Variants in STXBP5L observed in about 807,000 individuals in gnomAD.
STXBP5L encodes the protein syntaxin binding protein 5L, also known as syntaxin-binding protein 5-like.
A neutral mutation model predicts 144.5 loss-of-function variants in STXBP5L; 65 were observed. The observed-to-expected ratio is 0.45, with a 90% CI of 0.37 to 0.55. The LOEUF (loss-of-function observed/expected upper bound fraction) is 0.55, where lower values mean the gene tolerates loss of function less well. STXBP5L is among the 20% of genes least tolerant of loss of function. STXBP5L has a pLI of 0.00. For missense variants in STXBP5L, 1,298 were observed against 1,405.5 expected, an observed-to-expected ratio of 0.92 and a Z score of 1.22; for synonymous variants, 505 against 469.6, an observed-to-expected ratio of 1.08 and a Z score of -0.97.
At position 121,418,511 on chromosome 3, in the gene STXBP5L, C is replaced by T; in HGVS notation, c.3401C>T (p.Ala1134Val). The T allele has an allele frequency of 6.2e-7, 1 of 1,614,038 alleles. No homozygotes were observed. Among genetic ancestry groups the T allele is most frequent in the Non-Finnish European group, 8.5e-7 (1 of 1,179,984 alleles). The stretch of plus-strand genomic sequence containing the variant: ...CTAGGAGAGCTGGAAGAGAAAACTG[C>T]AGGCATGATGACCAGTGCAGAAGCA... ...QRLGELEEKT[A>V]GMMTSAEAFS... The change falls in exon 26 of 27, where the codon GCA (alanine) becomes GTA (valine). Residue 1134 changes from alanine to valine, a missense_variant. Physicochemically the swap from Ala to Val is moderately conservative, Grantham distance 64. Coordinates refer to ENST00000471454, the MANE Select transcript of STXBP5L (RefSeq NM_001308330.2).
rs1005398678 is a variant in STXBP5L, at chr3:121,092,327, T to C, written c.471-22598T>C. Reference sequence around the variant, plus strand: ...GTGATGAAAGTCATTGGTAGCTTGATGGGGATGGCATTGAATCTATAAATT... The same window carrying C: ...GTGATGAAAGTCATTGGTAGCTTGACGGGGATGGCATTGAATCTATAAATT... On this transcript the variant is annotated intron_variant, in intron 5 of 26. Transcript: ENST00000471454. Among the ~76,000 whole-genome samples the C allele has an allele frequency of 4.8e-4, 73 of 152,232 alleles. 1 individual carries two copies. The highest frequency in any genetic ancestry group is 1.7e-3 in the African/African-American group (72 of 41,532).
chr3:121,019,521 C>G (rs1416559870), intron 3 of STXBP5L, among the ~76,000 whole-genome samples: 4 of 152,204 alleles, frequency 2.6e-5, no homozygotes, highest in African/African-American at 9.7e-5. Context: ...GTCCACTTCA[C>G]TCCCCTGCCA....
chr3:121,136,820 A>C (rs12632599), intron 7 of STXBP5L, among the ~76,000 whole-genome samples: 15,102 of 152,220 alleles, frequency 0.099, 1,178 homozygotes, highest in Admixed American at 0.2. Context: ...AGAGACATGG[A>C]ATCAACCTAA....
intron 3 of STXBP5L, among the ~76,000 whole-genome samples, chr3:121,037,203 G>A (rs1946821609): frequency 6.6e-6 from 1 of 150,876 alleles, no homozygotes; most frequent in Non-Finnish European, 1.5e-5. Context: ...AAAGTATTGG[G>A]ATTCCAGAAG....
chr3:121,075,209 CT>C (rs1472604260), intron 5 of STXBP5L, among the ~76,000 whole-genome samples: 1 of 152,174 alleles, frequency 6.6e-6, no homozygotes, highest in Non-Finnish European at 1.5e-5. Flanking sequence ...TGCCTCTATC[CT>C]TTTCTCTCTC....
At chr3:121,060,937 AT>A (rs565329602) in intron 5 of STXBP5L, among the ~76,000 whole-genome samples, 4 of 151,664 alleles carry the variant, frequency 2.6e-5, no homozygotes, top group African/African-American at 7.3e-5. Context: ...GGATTTATTG[AT>A]TTTTTTTGAA....
intron 3 of STXBP5L, among the ~76,000 whole-genome samples, chr3:120,975,506 T>C (rs1940871377): frequency 6.6e-6 from 1 of 152,204 alleles, no homozygotes; most frequent in African/African-American, 2.4e-5. Flanking sequence ...CAATTTGACT[T>C]CCTCTTTTCC....
chr3:121,081,971 T>C (rs2107695419), intron 5 of STXBP5L, among the ~76,000 whole-genome samples: 1 of 152,202 alleles, frequency 6.6e-6, no homozygotes, highest in East Asian at 1.9e-4. Context: ...TTTTTCTATT[T>C]TTATGTGTCT....
chr3:121,096,325 G>A (rs1263007323), intron 5 of STXBP5L, among the ~76,000 whole-genome samples: 1 of 152,184 alleles, frequency 6.6e-6, no homozygotes, highest in African/African-American at 2.4e-5. Context: ...GGAGGAGTTT[G>A]TTGTTACCCA....
At chr3:120,934,613 G>A (rs908496729) in intron 2 of STXBP5L, among the ~76,000 whole-genome samples, 5 of 151,838 alleles carry the variant, frequency 3.3e-5, no homozygotes, top group African/African-American at 1.2e-4. Flanking sequence ...CGATTATAGT[G>A]GATTTATCTA....
intron 12 of STXBP5L, among the ~76,000 whole-genome samples, chr3:121,234,742 A>G (rs2049419076): frequency 6.6e-6 from 1 of 152,064 alleles, no homozygotes; most frequent in Admixed American, 6.6e-5. Flanking sequence ...CCATTAAATC[A>G]TCATAACTGG....
At chr3:120,998,573 C>T (rs1296346299) in intron 3 of STXBP5L, among the ~76,000 whole-genome samples, 1 of 152,092 alleles carries the variant, frequency 6.6e-6, no homozygotes, top group African/African-American at 2.4e-5. Context: ...TGATATTCCC[C>T]TGCCTGTGTC....
chr3:120,983,837 C>T (rs913706322), intron 3 of STXBP5L, among the ~76,000 whole-genome samples: 20 of 152,172 alleles, frequency 1.3e-4, no homozygotes, highest in African/African-American at 4.6e-4. Context: ...TTCCAGTGTT[C>T]TCTCTTAGAC....
intron 5 of STXBP5L, among the ~76,000 whole-genome samples, chr3:121,050,728 A>C (rs1301197679): frequency 6.6e-6 from 1 of 152,254 alleles, no homozygotes; most frequent in Non-Finnish European, 1.5e-5. Flanking sequence ...AAATACACAC[A>C]TAACAATATT....
At chr3:121,356,975 G>T in intron 20 of STXBP5L, 1 of 166,034 alleles carries the variant, frequency 6.0e-6, no homozygotes, top group Non-Finnish European at 1.3e-5. Context: ...TTCTACCTTT[G>T]AAAACAGCAA....
chr3:121,199,139 T>G (rs1361694009), intron 9 of STXBP5L, among the ~76,000 whole-genome samples: 2 of 152,196 alleles, frequency 1.3e-5, no homozygotes, highest in African/African-American at 4.8e-5. Context: ...TCCGTTTGTT[T>G]GTGTGCTCTC....
chr3:121,102,790 A>G (rs559434064), intron 5 of STXBP5L, among the ~76,000 whole-genome samples: 3 of 152,196 alleles, frequency 2.0e-5, no homozygotes, highest in East Asian at 3.9e-4. Context: ...GAACATGTTT[A>G]CAAACTATGC....
At chr3:121,190,605 G>A (rs1262088263) in intron 9 of STXBP5L, among the ~76,000 whole-genome samples, 1 of 151,504 alleles carries the variant, frequency 6.6e-6, no homozygotes, top group South Asian at 2.1e-4. Context: ...GGGCACAGGG[G>A]CTCCTCACTT....
rs147997516 is a variant in STXBP5L, at chr3:121,032,439, A to G, written c.288-9261A>G. Among the ~76,000 whole-genome samples, 1,190 of 152,266 alleles carry G rather than the reference A, an allele frequency of 7.8e-3. 11 individuals carry two copies. Among genetic ancestry groups the G allele is most frequent in the Non-Finnish European group, 0.011 (726 of 68,022 alleles). Reference sequence around the variant, plus strand: ...TTCGTGACCTTATTAGCCACTAGGTAATAAATTCATGTGTTTTTCATAAAA... The same window carrying G: ...TTCGTGACCTTATTAGCCACTAGGTGATAAATTCATGTGTTTTTCATAAAA... On this transcript the variant is annotated intron_variant, in intron 3 of 26. Transcript: ENST00000471454.
Sources: allele counts gnomAD v4.1 joint callset (sites outside exome capture counted in the v4.1 genomes callset), GRCh38; gene constraint gnomAD v4.1.1; transcripts MANE v1.5; gene names NCBI Gene and HGNC (gene_info 2026-07-23, HGNC 2026-07-21).